Variants in FTO observed in about 807,000 individuals in gnomAD.
FTO encodes the protein alpha-ketoglutarate-dependent dioxygenase FTO.
Under a neutral mutation model 63.9 loss-of-function variants are expected in FTO, and 47 were observed. The ratio of observed to expected loss-of-function variants is 0.74; its 90% confidence interval spans 0.58 to 0.94. FTO has a LOEUF of 0.94. Ranked by LOEUF, FTO falls within the 40% of genes least tolerant of loss-of-function variation. The probability of loss-of-function intolerance (pLI) is 0.00; values close to 1 mark genes in which losing one functional copy is unlikely to be tolerated. For missense variants in FTO, 562 were observed against 618.1 expected (o/e 0.91, Z 0.96); for synonymous variants, 207 against 224.4 (o/e 0.92, Z 0.69).
intron 1 of FTO, among the ~76,000 whole-genome samples, chr16:53,783,938 A>ATCACC (rs1299184460): frequency 6.6e-6 from 1 of 152,194 alleles, no homozygotes; most frequent in Non-Finnish European, 1.5e-5. Context: ...CTGGTTGATC[A>ATCACC]TCACCTCACC....
intron 7 of FTO, among the ~76,000 whole-genome samples, chr16:53,923,753 A>G (rs936067206): frequency 2.0e-5 from 3 of 151,858 alleles, no homozygotes; most frequent in East Asian, 1.9e-4. Flanking sequence ...AGCGTTGCCA[A>G]CTGGAGCTCT....
intron 4 of FTO, among the ~76,000 whole-genome samples, chr16:53,865,662 C>T (rs939139941): frequency 5.9e-5 from 9 of 152,130 alleles, no homozygotes; most frequent in African/African-American, 2.2e-4. Flanking sequence ...GTCTCCTCCC[C>T]TGTCTCTGTA....
chr16:53,780,445 C>CT (rs1437306220), intron 1 of FTO, among the ~76,000 whole-genome samples: 2 of 152,112 alleles, frequency 1.3e-5, no homozygotes, highest in African/African-American at 2.4e-5. Flanking sequence ...TACTTTCTTT[C>CT]TTTTTGTTTG....
chr16:53,766,702 C>A, intron 1 of FTO, among the ~76,000 whole-genome samples: 1 of 152,162 alleles, frequency 6.6e-6, no homozygotes, highest in Admixed American at 6.5e-5. Context: ...AGATAGAAAT[C>A]TGGGGAGTCA....
intron 8 of FTO, among the ~76,000 whole-genome samples, chr16:54,026,560 G>A (rs1471439082): frequency 1.3e-5 from 2 of 152,210 alleles, no homozygotes; most frequent in African/African-American, 4.8e-5. Flanking sequence ...AATCAGGCCT[G>A]TGTGAGAGAG....
chr16:53,924,879 G>T (rs189530243), intron 7 of FTO, among the ~76,000 whole-genome samples: 1 of 152,084 alleles, frequency 6.6e-6, no homozygotes, highest in Non-Finnish European at 1.5e-5. Context: ...CTTTGGTGGT[G>T]CCCAGTCCAG....
At chr16:53,949,007 T>G (rs994410911) in intron 8 of FTO, among the ~76,000 whole-genome samples, 10 of 152,338 alleles carry the variant, frequency 6.6e-5, no homozygotes, top group African/African-American at 2.2e-4. Context: ...TATTTCATCT[T>G]TCCTTTTATA....
At chr16:53,912,928 C>T (rs1344434188) in intron 7 of FTO, among the ~76,000 whole-genome samples, 3 of 152,166 alleles carry the variant, frequency 2.0e-5, no homozygotes, top group Non-Finnish European at 4.4e-5. Context: ...AGTGGAAATA[C>T]GAAGAGTTCC....
At chr16:54,053,904 A>G (rs1401614804) in intron 8 of FTO, among the ~76,000 whole-genome samples, 1 of 152,130 alleles carries the variant, frequency 6.6e-6, no homozygotes, top group African/African-American at 2.4e-5. Flanking sequence ...AACTTAAATC[A>G]ACTCCACCTG....
chr16:54,023,012 T>A (rs180932437), intron 8 of FTO, among the ~76,000 whole-genome samples: 1 of 152,376 alleles, frequency 6.6e-6, no homozygotes, highest in East Asian at 1.9e-4. Flanking sequence ...AATATTGCAT[T>A]ACTACTTGTA....
chr16:54,041,300 C>G (rs1030187933), intron 8 of FTO, among the ~76,000 whole-genome samples: 1 of 152,058 alleles, frequency 6.6e-6, no homozygotes, highest in Non-Finnish European at 1.5e-5. Context: ...ACTTTTAAAC[C>G]ATCAGATCTC....
chr16:53,954,762 G>A (rs2082886930), intron 8 of FTO, among the ~76,000 whole-genome samples: 1 of 152,056 alleles, frequency 6.6e-6, no homozygotes. Flanking sequence ...CGGAAGTGGT[G>A]CAGCAGGGGC....
At chr16:53,940,093 C>T (rs2082491591) in intron 8 of FTO, among the ~76,000 whole-genome samples, 1 of 151,712 alleles carries the variant, frequency 6.6e-6, no homozygotes, top group South Asian at 2.1e-4. Flanking sequence ...TCTGTTACAC[C>T]ATCTTATGTT....
intron 7 of FTO, among the ~76,000 whole-genome samples, chr16:53,922,578 T>C (rs1279621152): frequency 1.3e-5 from 2 of 152,222 alleles, no homozygotes; most frequent in Admixed American, 6.5e-5. Flanking sequence ...TTATAACTTT[T>C]AGTACTGTCA....
At chr16:54,068,398 C>T (rs931836184) in intron 8 of FTO, among the ~76,000 whole-genome samples, 2 of 152,178 alleles carry the variant, frequency 1.3e-5, no homozygotes, top group Non-Finnish European at 2.9e-5. Flanking sequence ...AGGGCAAAGT[C>T]TAGCTCTAAA....
At chr16:53,766,643 G>A (rs141641959) in intron 1 of FTO, among the ~76,000 whole-genome samples, 150 of 152,298 alleles carry the variant, frequency 9.8e-4, no homozygotes, top group South Asian at 8.3e-4. Context: ...GCACCCAAGG[G>A]ACCATCAAAG....
chr16:53,950,035 C>CT (rs954045668), intron 8 of FTO, among the ~76,000 whole-genome samples: 4 of 125,986 alleles, frequency 3.2e-5, no homozygotes, highest in African/African-American at 1.2e-4. Flanking sequence ...CTTTCATTTT[C>CT]TTTTTTTGGG....
intron 4 of FTO, among the ~76,000 whole-genome samples, chr16:53,871,762 C>T (rs111870453): frequency 0.018 from 2,724 of 151,530 alleles, 62 homozygotes; most frequent in African/African-American, 0.052. Flanking sequence ...GTTTCACTCT[C>T]GTTTCCCAGG....
chr16:53,938,381 A>G (rs1318284019), intron 8 of FTO, among the ~76,000 whole-genome samples: 1 of 152,174 alleles, frequency 6.6e-6, no homozygotes, highest in Non-Finnish European at 1.5e-5. Context: ...ATTTATCGCT[A>G]ATTGATAAGA....
Sources: allele counts gnomAD v4.1 joint callset (sites outside exome capture counted in the v4.1 genomes callset), GRCh38; gene constraint gnomAD v4.1.1; transcripts MANE v1.5; gene names NCBI Gene and HGNC (gene_info 2026-07-23, HGNC 2026-07-21).